ATG12: variants seen among roughly 807,000 people sequenced by gnomAD.
ATG12 encodes ubiquitin-like protein ATG12.
A neutral mutation model predicts 17.6 loss-of-function variants in ATG12; 19 were observed. That is an observed-to-expected ratio of 1.08 (90% CI 0.75 to 1.58). ATG12 has a LOEUF of 1.58. ATG12 is among the 40% of genes most tolerant of loss of function. ATG12 has a pLI of 0.00. For synonymous variants in ATG12, 75 were observed against 62.4 expected (o/e 1.20, Z -0.95); for missense variants, 214 against 162.0 (o/e 1.32, Z -1.74).
chr5:115,836,958 T>C (rs1033176242), intron 2 of ATG12, among the ~76,000 whole-genome samples: 2 of 152,166 alleles, frequency 1.3e-5, no homozygotes, highest in Non-Finnish European at 2.9e-5. Flanking sequence ...TTTCACAATA[T>C]ATGGCAAAGA....
intron 3 of ATG12, 46 bp from the exon 4 acceptor site, chr5:115,831,909 CTTAGA>C: frequency 6.5e-7 from 1 of 1,548,688 alleles, no homozygotes; most frequent in Non-Finnish European, 8.8e-7. Flanking sequence ...TTTTATTATT[CTTAGA>C]TGAAACTAAG....
chr5:115,831,819 A>C lies in ATG12; in HGVS notation c.408T>G (p.Ser136=). ...DGKLVLHYCK[S]QAWG is the part of the protein sequence containing the mutation. ...TCTTTGTGGTTCATCCCCACGCCTGAGACTTGCAGTAATGTAAAACCAGTT... is the reference window on the plus strand; with the variant it reads ...TCTTTGTGGTTCATCCCCACGCCTGCGACTTGCAGTAATGTAAAACCAGTT... The change falls in exon 4 of 4, where the codon TCT becomes TCG. Residue 136 remains serine, a synonymous_variant. Transcript: ENST00000509910. 6.2e-7 allele frequency: 1 copy of C among 1,612,670 alleles called. No homozygotes were observed. Among genetic ancestry groups the C allele is most frequent in the Non-Finnish European group, 8.5e-7 (1 of 1,179,528 alleles).
At chr5:115,832,388 T>C (rs1160379110) in intron 3 of ATG12, among the ~76,000 whole-genome samples, 6 of 151,994 alleles carry the variant, frequency 3.9e-5, no homozygotes, top group African/African-American at 1.4e-4. Context: ...TTGTATAATT[T>C]ATTAATATCT....
In ATG12 at chr5:115,832,675, G is replaced by A. The variant is rs1760935299; in HGVS notation, c.301-11C>T. ...ATTCACATAAATAAACTACAAGAAAGGAAGGAAAAACAGAGATGTTTAATG... is the reference window on the plus strand; with the variant it reads ...ATTCACATAAATAAACTACAAGAAAAGAAGGAAAAACAGAGATGTTTAATG... On this transcript the variant is annotated splice_polypyrimidine_tract_variant and intron_variant, in intron 2 of 3. Coordinates refer to ENST00000509910, the MANE Select transcript of ATG12 (RefSeq NM_004707.4). 3.3e-6 allele frequency: 5 copies of A among 1,502,462 alleles called. No homozygotes were observed. The South Asian group carries it at 4.1e-5, about 12-fold the overall frequency. 93.1% of individuals were successfully genotyped at this position (1,502,462 alleles called of 1,614,324 possible). A position where few individuals can be genotyped will look rare whatever the true frequency, so the allele number is the denominator to read the frequency against.
chr5:115,829,592 CATCT>C lies in ATG12; in HGVS notation c.*2208_*2211del, dbSNP rs753282550. The stretch of plus-strand genomic sequence containing the variant: ...GTAAGATGAAGCATGATATTAATGA[CATCT>C]ATTTAGTCACAAAGAAAATTTAAAA... On this transcript the variant is annotated 3_prime_UTR_variant, in exon 4 of 4. Transcript: ENST00000509910. 3 of 152,158 alleles carry C rather than the reference CATCT, an allele frequency of 2.0e-5. No homozygotes were observed. The highest frequency in any genetic ancestry group is 4.8e-5 in the African/African-American group (2 of 41,430). 9.4% of individuals were successfully genotyped at this position (152,158 alleles called of 1,614,324 possible).
At chr5:115,841,360 G>A (rs750993296) in intron 1 of ATG12, 30 bp downstream of exon 1, 3 of 1,609,074 alleles carry the variant, frequency 1.9e-6, no homozygotes, top group Non-Finnish European at 2.5e-6. Context: ...TGAACCTCCC[G>A]CCTCTCTGCC....
chr5:115,840,684 T>C, intron 1 of ATG12: 1 of 1,204,432 alleles, frequency 8.3e-7, no homozygotes, highest in Non-Finnish European at 1.1e-6. Context: ...TATATGCTGC[T>C]TTTCCCATAG....
At chr5:115,832,731 T>G (rs1760938802) in intron 2 of ATG12, 67 bp from the exon 3 acceptor site, 1 of 1,366,722 alleles carries the variant, frequency 7.3e-7, no homozygotes, top group African/African-American at 1.5e-5. Flanking sequence ...TTTTCTGCAT[T>G]CCAATCAGCT....
intron 2 of ATG12, chr5:115,834,080 G>C (rs1760995922): frequency 6.6e-6 from 1 of 152,144 alleles, no homozygotes; most frequent in South Asian, 2.1e-4. Flanking sequence ...CTCTAGCCTA[G>C]CAAAAGGGTC....
intron 3 of ATG12, 39 bp downstream of exon 3, chr5:115,832,563 A>ATTTC (rs752417735): frequency 3.6e-6 from 5 of 1,392,722 alleles, no homozygotes; most frequent in East Asian, 2.8e-5. Context: ...AAAAGCAGTA[A>ATTTC]TTTCTTTCTT....
At chr5:115,833,419 T>C (rs1189576910) in intron 2 of ATG12, 3 of 152,160 alleles carry the variant, frequency 2.0e-5, no homozygotes, top group Non-Finnish European at 4.4e-5. Context: ...TGACAGATAC[T>C]ATTTTGATCA....
At chr5:115,841,290 G>T in intron 1 of ATG12, 100 bp downstream of exon 1, 1 of 1,500,452 alleles carries the variant, frequency 6.7e-7, no homozygotes, top group Non-Finnish European at 9.1e-7. Flanking sequence ...GCAGGTCTAG[G>T]ACAGGCGCTC....
chr5:115,836,593 T>C (rs1008236199), intron 2 of ATG12, among the ~76,000 whole-genome samples: 7 of 152,188 alleles, frequency 4.6e-5, no homozygotes, highest in Non-Finnish European at 8.8e-5. Flanking sequence ...TAATGATAGT[T>C]CACTTGTTTT....
chr5:115,840,315 G>A (rs1462967859), intron 1 of ATG12, among the ~76,000 whole-genome samples: 2 of 72,142 alleles, frequency 2.8e-5, no homozygotes, highest in Admixed American at 1.6e-4. Context: ...TTTTTTTTTT[G>A]AGGCGGAGTT....
Position 115,837,776 on chromosome 5 carries a change from G to C in ATG12, c.164-12C>G. ...TAGCAAAATGTCAACTGTAAAAGAA[G>C]AATAAAATTTACTGACAATTACACT... On this transcript the variant is annotated splice_polypyrimidine_tract_variant and intron_variant, in intron 1 of 3. Transcript: ENST00000509910. The C allele has an allele frequency of 6.3e-7, 1 of 1,580,276 alleles. No individual in the cohort carries two copies. The highest frequency in any genetic ancestry group is 8.6e-7 in the Non-Finnish European group (1 of 1,168,296).
chr5:115,840,946 A>G, intron 1 of ATG12: 3 of 1,211,412 alleles, frequency 2.5e-6, no homozygotes, highest in African/African-American at 1.6e-5. Context: ...TGGGAGGGGG[A>G]AAAAAGCAAA....
Position 115,831,867 on chromosome 5 carries a change from CA to C in ATG12, c.364-5del, listed in dbSNP as rs368266571. On this transcript the variant is annotated splice_region_variant and splice_polypyrimidine_tract_variant and intron_variant, in intron 3 of 3. Transcript: ENST00000509910. ...GTTTACCATCACTGCCAAAACACTA[CA>C]AAAAAAAAAGGCAATAAATCAAACT... 0.011 allele frequency: 13,708 copies of C among 1,213,708 alleles called. 30 individuals are homozygous for C. Among genetic ancestry groups the C allele is most frequent in the Admixed American group, 0.017 (702 of 41,822 alleles). 75.2% of individuals were successfully genotyped at this position (1,213,708 alleles called of 1,614,324 possible). A position where few individuals can be genotyped will look rare whatever the true frequency, so the allele number is the denominator to read the frequency against.
intron 3 of ATG12, 54 bp downstream of exon 3, chr5:115,832,548 G>C (rs1183675722): frequency 1.7e-6 from 2 of 1,190,476 alleles, no homozygotes; most frequent in East Asian, 5.0e-5. Context: ...ACTCGATTAA[G>C]AAAAAAAAGC....
chr5:115,833,198 C>T (rs1407819741), intron 2 of ATG12: 1 of 152,118 alleles, frequency 6.6e-6, no homozygotes, highest in Non-Finnish European at 1.5e-5. Flanking sequence ...AAAGGATTCA[C>T]TGCTCAATGT....
Sources: allele counts gnomAD v4.1 joint callset (sites outside exome capture counted in the v4.1 genomes callset), GRCh38; gene constraint gnomAD v4.1.1; transcripts MANE v1.5; gene names NCBI Gene and HGNC (gene_info 2026-07-23, HGNC 2026-07-21).